The following CHDH variants were observed in gnomAD, a reference collection of about 807,000 sequenced individuals.
The protein encoded by CHDH is choline dehydrogenase, mitochondrial.
CHDH carries 43 observed loss-of-function variants against 56.9 expected under a neutral mutation model. The ratio of observed to expected loss-of-function variants is 0.76; its 90% CI spans 0.59 to 0.97. The LOEUF (loss-of-function observed/expected upper bound fraction) is 0.97. Ranked by LOEUF, CHDH falls within the 50% of genes least tolerant of loss-of-function variation. The pLI, the probability that CHDH is intolerant of heterozygous loss-of-function variation, is 0.00. For synonymous variants in CHDH, 364 were observed against 348.5 expected, an observed-to-expected ratio of 1.04 and a Z score of -0.50; for missense variants, 816 against 821.1, an observed-to-expected ratio of 0.99 and a Z score of 0.08.
In CHDH at chr3:53,846,411, G is replaced by T; in HGVS notation, c.-459C>A. 1.7e-6 allele frequency: 1 copy of T among 588,484 alleles called. No individual in the cohort carries two copies. Among genetic ancestry groups the T allele is most frequent in the Middle Eastern group, 4.6e-4 (1 of 2,180 alleles). The allele number at this position is 588,484 out of a possible 1,614,324, so 36.5% of individuals were successfully genotyped here. A position where few individuals can be genotyped will look rare whatever the true frequency, so the allele number is the denominator to read the frequency against. Reference sequence around the variant, plus strand: ...ACACGGCCCATCCCTCCGAGCCCCAGCAGGCGAGGGCGCTGCGACCTGCCC... The same window carrying T: ...ACACGGCCCATCCCTCCGAGCCCCATCAGGCGAGGGCGCTGCGACCTGCCC... On this transcript the variant is annotated 5_prime_UTR_variant, in exon 1 of 9. In the 5' UTR this introduces an upstream ATG that the reference lacks. Coordinates refer to ENST00000315251, the MANE Select transcript of CHDH (RefSeq NM_018397.5).
At chr3:53,840,607 T>G (rs1280277957) in intron 2 of CHDH, among the ~76,000 whole-genome samples, 3 of 151,896 alleles carry the variant, frequency 2.0e-5, no homozygotes, top group Non-Finnish European at 4.4e-5. Context: ...CCCCACGAGG[T>G]GAGGCTAACA....
In CHDH at chr3:53,817,630, CTT is replaced by C. The variant is rs2095618106; in HGVS notation, c.*145_*146del. On this transcript the variant is annotated 3_prime_UTR_variant, in exon 9 of 9. Transcript: ENST00000315251. The stretch of plus-strand genomic sequence containing the variant: ...CCAGTACTTGTCTCATTTCCCAAGA[CTT>C]TATCCAATTCTCAGCCACTGAGTAG... The C allele has an allele frequency of 9.1e-6, 6 of 658,734 alleles. No individual in the cohort carries two copies. The Admixed American group carries it at 1.2e-4, about 13-fold the overall frequency. The allele number at this position is 658,734 out of a possible 1,614,324, so 40.8% of individuals were successfully genotyped here. A position where few individuals can be genotyped will look rare whatever the true frequency, so the allele number is the denominator to read the frequency against.
At chr3:53,831,319 G>A (rs562059798) in intron 2 of CHDH, among the ~76,000 whole-genome samples, 7 of 152,318 alleles carry the variant, frequency 4.6e-5, no homozygotes, top group South Asian at 4.1e-4. Context: ...CTATCTGCCC[G>A]GGGCCTGGGG....
At position 53,823,813 on chromosome 3, in the gene CHDH, G is replaced by A. The variant is rs750600890; in HGVS notation, c.196C>T (p.Arg66Cys). ...GGCCCGGCCTCCAGCAGCAGCACGCGCTCGGCGGGGTCCTCCGTGAGCCTC... is the reference window on the plus strand; with the variant it reads ...GGCCCGGCCTCCAGCAGCAGCACGCACTCGGCGGGGTCCTCCGTGAGCCTC... Reference protein sequence around the residue: ...AGRLTEDPAERVLLLEAGPKD... With the variant: ...AGRLTEDPAECVLLLEAGPKD... The change falls in exon 3 of 9, where the codon CGC becomes TGC. Residue 66 changes from arginine (R) to cysteine (C), a missense_variant. Physicochemically the swap from Arg to Cys is radical, Grantham distance 180. Coordinates refer to ENST00000315251, the MANE Select transcript of CHDH (RefSeq NM_018397.5). 18 of 1,584,436 alleles carry A rather than the reference G, an allele frequency of 1.1e-5. No individual in the cohort carries two copies. In the South Asian group the frequency reaches 1.6e-4, roughly 14 times the overall value.
Position 53,820,617 on chromosome 3 carries a change from G to A in CHDH, c.986-9C>T, listed in dbSNP as rs769037907. ...CAGGTTCTGGCCAACCCCTGATACG[G>A]GAAGGAGTGGTTTAGAAAATGGCTA... On this transcript the variant is annotated splice_polypyrimidine_tract_variant and intron_variant, in intron 5 of 8. Transcript: ENST00000315251. 1.2e-6 allele frequency: 2 copies of A among 1,606,682 alleles called. No individual in the cohort carries two copies. Among genetic ancestry groups the A allele is most frequent in the Non-Finnish European group, 1.7e-6 (2 of 1,176,928 alleles).
intron 2 of CHDH, among the ~76,000 whole-genome samples, chr3:53,825,583 T>C (rs2095637593): frequency 1.3e-5 from 2 of 151,924 alleles, no homozygotes; most frequent in Admixed American, 1.3e-4. Context: ...AAAGTACAGA[T>C]AACTGGAGTC....
In CHDH at chr3:53,814,131, G is replaced by C. The variant is rs1222709776; in HGVS notation, c.*3646C>G. The C allele has an allele frequency of 2.0e-5, 3 of 152,358 alleles. No homozygotes were observed. Among genetic ancestry groups the C allele is most frequent in the African/African-American group, 7.2e-5 (3 of 41,580 alleles). The allele number at this position is 152,358 out of a possible 1,614,324, so 9.4% of individuals were successfully genotyped here. Reference sequence around the variant, plus strand: ...GTGCAGTCTCACCTGTGTGAGATGGGACCAGGGGCACCACTTGCTTTCCTG... The same window carrying C: ...GTGCAGTCTCACCTGTGTGAGATGGCACCAGGGGCACCACTTGCTTTCCTG... On this transcript the variant is annotated 3_prime_UTR_variant, in exon 9 of 9. Transcript: ENST00000315251.
chr3:53,838,039 AG>A (rs1698555892), intron 2 of CHDH, among the ~76,000 whole-genome samples: 1 of 132,292 alleles, frequency 7.6e-6, no homozygotes, highest in Non-Finnish European at 1.6e-5. Flanking sequence ...CCTGGGCGAC[AG>A]AGTGAGACTC....
intron 2 of CHDH, among the ~76,000 whole-genome samples, chr3:53,832,913 C>T (rs1263433000): frequency 6.6e-6 from 1 of 152,170 alleles, no homozygotes; most frequent in Non-Finnish European, 1.5e-5. Flanking sequence ...ATTACGCTTA[C>T]AATGGTTAAA....
At chr3:53,822,414 T>A in intron 4 of CHDH, 77 bp downstream of exon 4, 1 of 1,409,612 alleles carries the variant, frequency 7.1e-7, no homozygotes, top group Non-Finnish European at 9.8e-7. Context: ...AGGGCGTGAC[T>A]CCTGCCCACT....
Position 53,841,001 on chromosome 3 carries a change from TGA to T in CHDH, c.-130-4_-130-3del, listed in dbSNP as rs1002299943. On this transcript the variant is annotated splice_polypyrimidine_tract_variant and splice_region_variant and intron_variant, in intron 1 of 8. Coordinates refer to ENST00000315251, the MANE Select transcript of CHDH (RefSeq NM_018397.5). ...GGCCTACACACTCTTTGTGATTGTC[TGA>T]GAGAGATAAGTACAGAATCAAAAGT... is the stretch of plus-strand genomic sequence containing the variant. The T allele has an allele frequency of 1.3e-5, 2 of 152,140 alleles. No individual in the cohort carries two copies. Among genetic ancestry groups the T allele is most frequent in the African/African-American group, 4.8e-5 (2 of 41,442 alleles). The allele number at this position is 152,140 out of a possible 1,614,324, so 9.4% of individuals were successfully genotyped here. A position where few individuals can be genotyped will look rare whatever the true frequency, so the allele number is the denominator to read the frequency against.
At chr3:53,824,589 G>A (rs968289774) in intron 2 of CHDH, among the ~76,000 whole-genome samples, 17 of 152,192 alleles carry the variant, frequency 1.1e-4, no homozygotes, top group Admixed American at 2.0e-4. Flanking sequence ...TGAGAGGCAC[G>A]AGACTGTAGA....
intron 2 of CHDH, among the ~76,000 whole-genome samples, chr3:53,830,293 C>G (rs1301201523): frequency 1.3e-5 from 2 of 151,712 alleles, no homozygotes; most frequent in Non-Finnish European, 2.9e-5. Flanking sequence ...AAACCCCAGA[C>G]AGCAGTGAAA....
intron 2 of CHDH, among the ~76,000 whole-genome samples, chr3:53,825,490 G>A (rs570349729): frequency 6.6e-6 from 1 of 152,184 alleles, no homozygotes; most frequent in Non-Finnish European, 1.5e-5. Context: ...ATTTTTAATT[G>A]GATATAGCAC....
In CHDH at chr3:53,824,023, C is replaced by T; in HGVS notation, c.-15G>A. The T allele has an allele frequency of 1.4e-6, 2 of 1,440,642 alleles. No homozygotes were observed. The highest frequency in any genetic ancestry group is 1.8e-6 in the Non-Finnish European group (2 of 1,105,306). The allele number at this position is 1,440,642 out of a possible 1,614,324, so 89.2% of individuals were successfully genotyped here. ...AGACACCACATGCTTCTATCTAGTC[C>T]AAGTCCTCTGATCCACGGAGGGGAA... On this transcript the variant is annotated 5_prime_UTR_variant, in exon 3 of 9. Transcript: ENST00000315251.
In CHDH at chr3:53,818,117, C is replaced by T. The variant is rs760627085; in HGVS notation, c.1445G>A (p.Arg482Gln). Residue 482 changes from arginine (R) to glutamine (Q), a missense_variant, in exon 9 of 9, where the codon CGA becomes CAA. Arg to Gln is a conservative substitution (Grantham distance 43). Transcript: ENST00000315251. ...IFAQEALAPF[R>Q]GKELQPGSHI... ...GCTTCCTGGCTGGAGCTCTTTCCCT[C>T]GGAACGGAGCCAGGGCTTCCTGTGC... The T allele has an allele frequency of 3.1e-6, 5 of 1,613,922 alleles. No homozygotes were observed. Among genetic ancestry groups the T allele is most frequent in the Admixed American group, 1.7e-5 (1 of 60,000 alleles).
At position 53,819,624 on chromosome 3, in the gene CHDH, G is replaced by T. The variant is rs2106957045; in HGVS notation, c.1171C>A (p.Pro391Thr). Residue 391 changes from proline (P) to threonine (T), a missense_variant, in exon 7 of 9, where the codon CCT (proline) becomes ACT (threonine). Physicochemically the swap from Pro to Thr is conservative, Grantham distance 38 (BLOSUM62 -1). Coordinates refer to ENST00000315251, the MANE Select transcript of CHDH (RefSeq NM_018397.5). This position sits in a 1 kb window ranked among gnomAD's most constrained non-coding sequence, Gnocchi z 5.4. ...TGGATGTCCGGGTGGGGGACCCCAG[G>T]CTGGCTGCGGATGAACCCACCTGTT... ...LETGGFIRSQPGVPHPDIQFH... is the reference protein window; with the variant it reads ...LETGGFIRSQTGVPHPDIQFH... The T allele has an allele frequency of 6.2e-7, 1 of 1,612,472 alleles. No homozygotes were observed. Among genetic ancestry groups the T allele is most frequent in the Non-Finnish European group, 8.5e-7 (1 of 1,179,124 alleles).
At position 53,816,867 on chromosome 3, in the gene CHDH, ACAGGGTCTCACCCTGTCACC is replaced by A. The variant is rs1163046682; in HGVS notation, c.*890_*909del. 8.5e-6 allele frequency: 1 copy of A among 117,942 alleles called. No homozygotes were observed. The highest frequency in any genetic ancestry group is 9.7e-5 in the Admixed American group (1 of 10,354). 7.3% of individuals were successfully genotyped at this position (117,942 alleles called of 1,614,324 possible). ...TTTTTTTTTTTTTTTTTTTTTTGAG[ACAGGGTCTCACCCTGTCACC>A]CAGGCTGGAGTGCAGTGGTGCCATC... On this transcript the variant is annotated 3_prime_UTR_variant, in exon 9 of 9. Coordinates refer to ENST00000315251, the MANE Select transcript of CHDH (RefSeq NM_018397.5).
intron 2 of CHDH, among the ~76,000 whole-genome samples, chr3:53,839,717 T>C (rs1576806415): frequency 1.3e-5 from 2 of 152,328 alleles, no homozygotes. Flanking sequence ...GGGCTGGGTA[T>C]ATAGAAGAAA....
Sources: allele counts gnomAD v4.1 joint callset (sites outside exome capture counted in the v4.1 genomes callset), GRCh38; gene constraint gnomAD v4.1.1; non-coding constraint Gnocchi (gnomAD v3.1); transcripts MANE v1.5; gene names NCBI Gene and HGNC (gene_info 2026-07-23, HGNC 2026-07-21).